The following RXRA variants were observed in gnomAD, a reference collection of about 807,000 sequenced individuals.
The protein encoded by RXRA is retinoid X receptor alpha.
A neutral mutation model predicts 44.5 loss-of-function variants in RXRA; 5 were observed. The ratio of observed to expected loss-of-function variants is 0.11; its 90% CI spans 0.06 to 0.24. RXRA has a LOEUF of 0.24. RXRA is among the 10% of genes least tolerant of loss of function. The pLI is 1.00. For missense variants in RXRA, 412 were observed against 646.5 expected (o/e 0.64, Z 3.93); for synonymous variants, 291 against 271.4 (o/e 1.07, Z -0.71).
At chr9:134,405,405 A>G (rs1281274937) in intron 2 of RXRA, 3 of 152,268 alleles carry the variant, frequency 2.0e-5, no homozygotes, top group African/African-American at 7.2e-5. Context: ...ACCCTCTGAT[A>G]TCACTGAGGT....
Position 134,342,938 on chromosome 9 carries a change from A to G in RXRA, c.28+16279A>G, listed in dbSNP as rs989789260. 2.0e-5 allele frequency among the ~76,000 whole-genome samples: 3 copies of G among 151,920 alleles called. No individual in the cohort carries two copies. The highest frequency in any genetic ancestry group is 4.4e-5 in the Non-Finnish European group (3 of 67,974). On this transcript the variant is annotated intron_variant, in intron 1 of 9. Transcript: ENST00000481739. The surrounding 1 kb of genome is among the most constrained non-coding windows in gnomAD (Gnocchi z 4.4). ...ATGCAGGCACGTGTGGGTGCTGGGG[A>G]TTGTCTGGTAATCCTTTGATTAGAG...
At chr9:134,436,402 C>T in intron 9 of RXRA, 65 bp from the exon 10 acceptor site, 1 of 1,555,640 alleles carries the variant, frequency 6.4e-7, no homozygotes, top group Non-Finnish European at 8.8e-7. Flanking sequence ...CCAGGGAGGC[C>T]TCCAGTGCCA....
At chr9:134,423,206 T>G in intron 6 of RXRA, 1 of 985,424 alleles carries the variant, frequency 1.0e-6, no homozygotes, top group African/African-American at 1.7e-5. Context: ...TAGTGGAGTT[T>G]CCTGCTGGTG....
intron 4 of RXRA, among the ~76,000 whole-genome samples, chr9:134,410,657 C>T (rs548951967): frequency 5.3e-5 from 8 of 152,266 alleles, no homozygotes; most frequent in South Asian, 2.1e-4. Context: ...TGTGCCCAGG[C>T]GTGGAGACTG....
At chr9:134,399,445 TTGTC>T (rs1268838986) in intron 1 of RXRA, among the ~76,000 whole-genome samples, 2 of 152,358 alleles carry the variant, frequency 1.3e-5, no homozygotes, top group Admixed American at 1.3e-4. Context: ...GATTTTGTGT[TTGTC>T]TGTCTTGGAC....
intron 1 of RXRA, among the ~76,000 whole-genome samples, chr9:134,334,056 G>C (rs927682902): frequency 1.6e-4 from 25 of 152,370 alleles, no homozygotes; most frequent in African/African-American, 5.8e-4. Flanking sequence ...AGCCTGCTGG[G>C]TCTGTGCCTG....
At chr9:134,400,348 A>C (rs1371028190) in intron 1 of RXRA, among the ~76,000 whole-genome samples, 1 of 152,158 alleles carries the variant, frequency 6.6e-6, no homozygotes, top group African/African-American at 2.4e-5. Context: ...GACCTGGGGC[A>C]TGTGGGCTCA....
chr9:134,356,691 C>T (rs1331832246), intron 1 of RXRA, among the ~76,000 whole-genome samples: 1 of 152,212 alleles, frequency 6.6e-6, no homozygotes, highest in Non-Finnish European at 1.5e-5. Context: ...GATTAGCCAT[C>T]CTTGGCTGCC....
In RXRA at chr9:134,401,475, G is replaced by A. The variant is rs527756630; in HGVS notation, c.29-157G>A. 3.9e-5 allele frequency: 45 copies of A among 1,152,266 alleles called. No homozygotes were observed. In the African/African-American group the frequency reaches 5.7e-4, roughly 15 times the overall value. The allele number at this position is 1,152,266 out of a possible 1,614,324, so 71.4% of individuals were successfully genotyped here. On this transcript the variant is annotated intron_variant, in intron 1 of 9. Transcript: ENST00000481739. Reference sequence around the variant, plus strand: ...GGCACACCTGGCCCGTAGTGAGTGTGAATTTGCGTCAGAGAGCTGTCGAGA... The same window carrying A: ...GGCACACCTGGCCCGTAGTGAGTGTAAATTTGCGTCAGAGAGCTGTCGAGA...
intron 1 of RXRA, among the ~76,000 whole-genome samples, chr9:134,383,166 A>G (rs1338815457): frequency 6.6e-6 from 1 of 152,170 alleles, no homozygotes; most frequent in Non-Finnish European, 1.5e-5. Flanking sequence ...GGGGGCCATG[A>G]GGGGCCGAGA....
At chr9:134,420,575 G>A (rs1048776774) in intron 5 of RXRA, among the ~76,000 whole-genome samples, 4 of 152,258 alleles carry the variant, frequency 2.6e-5, no homozygotes, top group African/African-American at 4.8e-5. Flanking sequence ...TTCCCGCCGG[G>A]CGCTGCGTTT....
Position 134,433,502 on chromosome 9 carries a change from CAGGGGGT to C in RXRA, c.1136-599_1136-593del, listed in dbSNP as rs1831565674. Among the ~76,000 whole-genome samples the C allele has an allele frequency of 6.7e-6, 1 of 148,574 alleles. No homozygotes were observed. Among genetic ancestry groups the C allele is most frequent in the African/African-American group, 2.6e-5 (1 of 38,306 alleles). On this transcript the variant is annotated intron_variant, in intron 8 of 9. Coordinates refer to ENST00000481739, the MANE Select transcript of RXRA (RefSeq NM_002957.6). The surrounding 1 kb of genome is among the most constrained non-coding windows in gnomAD (Gnocchi z 4.2). ...AGGACACAGGCCAAGGTGGCATTCA[CAGGGGGT>C]CCCTGGGCCTTGGGGGCCAAGGTGG...
At chr9:134,411,562 T>G (rs1229267585) in intron 4 of RXRA, among the ~76,000 whole-genome samples, 1 of 152,228 alleles carries the variant, frequency 6.6e-6, no homozygotes, top group Non-Finnish European at 1.5e-5. Flanking sequence ...TCCTTCCTGC[T>G]TCCAGTCCTT....
chr9:134,412,367 C>T (rs868480864), intron 4 of RXRA, among the ~76,000 whole-genome samples: 25 of 152,212 alleles, frequency 1.6e-4, no homozygotes, highest in Admixed American at 3.3e-4. Context: ...GGAGCTGAGG[C>T]GTCGCATCCC....
intron 1 of RXRA, among the ~76,000 whole-genome samples, chr9:134,340,526 C>T (rs782170852): frequency 1.3e-5 from 2 of 152,094 alleles, no homozygotes; most frequent in African/African-American, 4.8e-5. Context: ...CACGTGGCAC[C>T]GGCTCACTGC....
chr9:134,348,772 CAGGATT>C (rs1830185629), intron 1 of RXRA, among the ~76,000 whole-genome samples: 1 of 151,782 alleles, frequency 6.6e-6, no homozygotes, highest in Non-Finnish European at 1.5e-5. Flanking sequence ...AGGCACAATG[CAGGATT>C]CGGTGGTCAG....
intron 1 of RXRA, among the ~76,000 whole-genome samples, chr9:134,363,941 G>A (rs1415656027): frequency 3.9e-5 from 6 of 152,204 alleles, no homozygotes; most frequent in African/African-American, 7.2e-5. Flanking sequence ...GAAAAAAGAA[G>A]AAGAGAAAGG....
intron 1 of RXRA, among the ~76,000 whole-genome samples, chr9:134,385,661 A>G (rs1398829051): frequency 6.6e-6 from 1 of 152,166 alleles, no homozygotes; most frequent in Non-Finnish European, 1.5e-5. Flanking sequence ...CCCCCGAACA[A>G]TGCCTGGGCT....
In RXRA at chr9:134,387,721, C is replaced by T. The variant is rs150189323; in HGVS notation, c.29-13911C>T. ...GTGCTGTCAGTAAGCAGCAGGCGTG[C>T]GGCGTGCCTGCCTCGCACACTTGTC... On this transcript the variant is annotated intron_variant, in intron 1 of 9. Transcript: ENST00000481739. Among the ~76,000 whole-genome samples the T allele has an allele frequency of 2.8e-4, 42 of 152,346 alleles. No homozygotes were observed. In the East Asian group the frequency reaches 6.4e-3, roughly 23 times the overall value.
Sources: gnomAD v4.1 joint callset for allele counts (sites outside exome capture counted in the v4.1 genomes callset) on GRCh38, gnomAD v4.1.1 for gene constraint, Gnocchi (gnomAD v3.1) non-coding constraint, MANE v1.5 for transcripts, NCBI Gene and HGNC (gene_info 2026-07-23, HGNC 2026-07-21) for gene names.